Variants in GTF3C5 observed in about 807,000 individuals in gnomAD.
GTF3C5 encodes general transcription factor IIIC subunit 5, also known as general transcription factor 3C polypeptide 5.
Under a neutral mutation model 61.0 loss-of-function variants are expected in GTF3C5, and 47 were observed. The ratio of observed to expected loss-of-function variants is 0.77; its 90% CI spans 0.61 to 0.98. The LOEUF (loss-of-function observed/expected upper bound fraction) is 0.98, where lower values mean the gene tolerates loss of function less well. Ranked by LOEUF, GTF3C5 falls within the 50% of genes least tolerant of loss-of-function variation. GTF3C5 has a pLI of 0.00. For missense variants in GTF3C5, 659 were observed against 703.3 expected, an observed-to-expected ratio of 0.94 and a Z score of 0.71; for synonymous variants, 295 against 275.4, an observed-to-expected ratio of 1.07 and a Z score of -0.71.
intron 5 of GTF3C5, among the ~76,000 whole-genome samples, chr9:133,052,754 C>T (rs1420511459): frequency 6.6e-6 from 1 of 152,232 alleles, no homozygotes; most frequent in African/African-American, 2.4e-5. Context: ...ACAAGAAAGA[C>T]TCATTTCTTC....
intron 1 of GTF3C5, among the ~76,000 whole-genome samples, chr9:133,041,301 G>A (rs890970575): frequency 1.3e-5 from 2 of 152,168 alleles, no homozygotes; most frequent in Non-Finnish European, 2.9e-5. Context: ...AGTTATCCGG[G>A]GGACTGTCTC....
rs747256128 is a variant in GTF3C5, at chr9:133,043,933, C to A, written c.572+7C>A. ...GACCAGAGACCCAGCACCGGTAAGGCCCCCCTCCATGCAGCCTCGGTTCTC... is the reference window on the plus strand; with the variant it reads ...GACCAGAGACCCAGCACCGGTAAGGACCCCCTCCATGCAGCCTCGGTTCTC... On this transcript the variant is annotated splice_region_variant and intron_variant, in intron 3 of 10. Coordinates refer to ENST00000372097, the MANE Select transcript of GTF3C5 (RefSeq NM_012087.4). 4 of 1,605,680 alleles carry A rather than the reference C, an allele frequency of 2.5e-6. No individual in the cohort carries two copies. The South Asian group carries it at 4.4e-5, about 18-fold the overall frequency.
chr9:133,032,812 G>A (rs2773821), intron 1 of GTF3C5, among the ~76,000 whole-genome samples: 135,028 of 152,212 alleles, frequency 0.89, 61,045 homozygotes, highest in Non-Finnish European at 0.97. Flanking sequence ...CAATCTTCCC[G>A]TTAGATCAGT....
chr9:133,036,542 C>T (rs1441696184), intron 1 of GTF3C5, among the ~76,000 whole-genome samples: 3 of 152,082 alleles, frequency 2.0e-5, no homozygotes, highest in Non-Finnish European at 2.9e-5. Flanking sequence ...AGTAAGTACC[C>T]CTAAAGCTAC....
intron 10 of GTF3C5, 21 bp downstream of exon 10, chr9:133,056,929 A>G: frequency 6.4e-7 from 1 of 1,560,892 alleles, no homozygotes; most frequent in South Asian, 1.2e-5. Context: ...CTTGGGGTAA[A>G]GGGGGTCCAG....
chr9:133,037,729 G>A (rs1849909374), intron 1 of GTF3C5, among the ~76,000 whole-genome samples: 1 of 152,072 alleles, frequency 6.6e-6, no homozygotes, highest in South Asian at 2.1e-4. Context: ...TGGGCTGTTC[G>A]ATTTTTATGT....
chr9:133,050,780 C>T lies in GTF3C5; in HGVS notation c.573-3C>T. The T allele has an allele frequency of 6.2e-7, 1 of 1,609,444 alleles. No homozygotes were observed. Among genetic ancestry groups the T allele is most frequent in the Non-Finnish European group, 8.5e-7 (1 of 1,177,302 alleles). ...TGTTCTCACCTGTACTCTCTGCCCCCAGGGAAGGCTACAACAATCCCCCCA... is the reference window on the plus strand; with the variant it reads ...TGTTCTCACCTGTACTCTCTGCCCCTAGGGAAGGCTACAACAATCCCCCCA... On this transcript the variant is annotated splice_polypyrimidine_tract_variant and splice_region_variant and intron_variant, in intron 3 of 10. Transcript: ENST00000372097.
chr9:133,038,949 G>A (rs985853999), intron 1 of GTF3C5, among the ~76,000 whole-genome samples: 1 of 152,182 alleles, frequency 6.6e-6, no homozygotes, highest in Non-Finnish European at 1.5e-5. Flanking sequence ...ATGTTGTTAG[G>A]ATTAGAGGTA....
intron 4 of GTF3C5, among the ~76,000 whole-genome samples, 184 bp downstream of exon 4, chr9:133,051,162 C>T (rs1009138195): frequency 1.7e-4 from 26 of 152,388 alleles, no homozygotes; most frequent in Middle Eastern, 3.4e-3. Context: ...ATAAGTTCTA[C>T]ATTCCCAAGG....
intron 3 of GTF3C5, 54 bp downstream of exon 3, chr9:133,043,980 C>T (rs143044687): frequency 8.2e-5 from 112 of 1,366,270 alleles, no homozygotes; most frequent in African/African-American, 4.6e-4. Flanking sequence ...TGGGATGGTC[C>T]GGGCACGGAG....
intron 1 of GTF3C5, among the ~76,000 whole-genome samples, chr9:133,036,346 T>C (rs1849858673): frequency 6.6e-6 from 1 of 152,200 alleles, no homozygotes; most frequent in Non-Finnish European, 1.5e-5. Flanking sequence ...CTTTCTGGTT[T>C]AAGATAGTTC....
chr9:133,055,876 C>G, intron 8 of GTF3C5, 136 bp from the exon 9 acceptor site: 1 of 1,456,890 alleles, frequency 6.9e-7, no homozygotes, highest in Non-Finnish European at 9.1e-7. Flanking sequence ...GGCCTTCCAG[C>G]CTGTCTGCCC....
intron 1 of GTF3C5, among the ~76,000 whole-genome samples, chr9:133,032,397 G>A (rs1234753521): frequency 1.3e-5 from 2 of 152,176 alleles, no homozygotes; most frequent in South Asian, 2.1e-4. Flanking sequence ...GACTAGTTTC[G>A]GCGGGAAGGG....
chr9:133,053,628 A>G (rs565373863), intron 5 of GTF3C5, among the ~76,000 whole-genome samples, 200 bp from the exon 6 acceptor site: 15 of 152,304 alleles, frequency 9.8e-5, no homozygotes, highest in African/African-American at 3.4e-4. Context: ...TTTTCCCTCC[A>G]TCTGACAGGA....
Position 133,054,466 on chromosome 9 carries a change from C to T in GTF3C5, c.1047C>T (p.Leu349=). 6.2e-7 allele frequency: 1 copy of T among 1,614,146 alleles called. No individual in the cohort carries two copies. Among genetic ancestry groups the T allele is most frequent in the Non-Finnish European group, 8.5e-7 (1 of 1,179,978 alleles). Residue 349 remains leucine, a synonymous_variant, in exon 7 of 11, where the codon CTC becomes CTT. Coordinates refer to ENST00000372097, the MANE Select transcript of GTF3C5 (RefSeq NM_012087.4). ...KAKRSTYNYS[L]PITVKKTSSQ... Reference sequence around the variant, plus strand: ...AGCGCAGCACCTACAACTACAGCCTCCCCATCACCGTCAAGAAGACATGTA... The same window carrying T: ...AGCGCAGCACCTACAACTACAGCCTTCCCATCACCGTCAAGAAGACATGTA...
At position 133,035,057 on chromosome 9, in the gene GTF3C5, G is replaced by GTGCCAGGGA. The variant is rs569985420; in HGVS notation, c.153+3894_153+3902dup. ...TCTCCACTCTTCCTGATGAAGGTGGGTGCCAGGGAGTGTGGTATTCCCCTG... is the reference window on the plus strand; with the variant it reads ...TCTCCACTCTTCCTGATGAAGGTGGGTGCCAGGGATGCCAGGGAGTGTGGTATTCCCCTG... On this transcript the variant is annotated intron_variant, in intron 1 of 10. Transcript: ENST00000372097. Among the ~76,000 whole-genome samples the GTGCCAGGGA allele has an allele frequency of 1.8e-4, 27 of 152,294 alleles. No individual in the cohort carries two copies. The South Asian group carries it at 2.1e-3, about 12-fold the overall frequency.
At chr9:133,039,284 C>T (rs1333675545) in intron 1 of GTF3C5, among the ~76,000 whole-genome samples, 1 of 152,154 alleles carries the variant, frequency 6.6e-6, no homozygotes, top group African/African-American at 2.4e-5. Context: ...AAGGCTTATA[C>T]ATATAAAACA....
chr9:133,039,560 C>T (rs1297107965), intron 1 of GTF3C5, among the ~76,000 whole-genome samples: 3 of 152,160 alleles, frequency 2.0e-5, no homozygotes, highest in Non-Finnish European at 4.4e-5. Flanking sequence ...TGCACCACCA[C>T]GCCCAGCTAG....
chr9:133,032,495 G>A (rs1849760067), intron 1 of GTF3C5, among the ~76,000 whole-genome samples: 1 of 152,136 alleles, frequency 6.6e-6, no homozygotes, highest in Non-Finnish European at 1.5e-5. Flanking sequence ...GAACAAGGGA[G>A]TTGAACAAGC....
Sources: gnomAD v4.1 joint callset for allele counts (sites outside exome capture counted in the v4.1 genomes callset) on GRCh38, gnomAD v4.1.1 for gene constraint, MANE v1.5 for transcripts, NCBI Gene and HGNC (gene_info 2026-07-23, HGNC 2026-07-21) for gene names.